RC3H1: variants seen among roughly 807,000 people sequenced by gnomAD.
RC3H1 encodes the protein roquin-1.
In RC3H1, 50 loss-of-function variants were observed where a neutral mutation model predicts 138.2. The observed-to-expected ratio is 0.36, with a 90% CI of 0.29 to 0.46. RC3H1 has a LOEUF of 0.46. RC3H1 is among the 20% of genes least tolerant of loss of function. The pLI is 1.00. For missense variants in RC3H1, 1,031 were observed against 1,388.1 expected, an observed-to-expected ratio of 0.74 and a Z score of 4.09; for synonymous variants, 462 against 489.1, an observed-to-expected ratio of 0.94 and a Z score of 0.73.
Position 173,963,978 on chromosome 1 carries a change from T to C in RC3H1, c.1826A>G (p.Gln609Arg), listed in dbSNP as rs551166189. 1.1e-4 allele frequency: 170 copies of C among 1,613,796 alleles called. 1 individual carries two copies. In the South Asian group the frequency reaches 1.8e-3, roughly 17 times the overall value. The change falls in exon 11 of 20, where the codon CAG becomes CGG. Residue 609 changes from glutamine (Q) to arginine (R), a missense_variant. Gln to Arg is a conservative substitution (Grantham distance 43, BLOSUM62 1). This residue lies in a region of RC3H1 where 716 missense variants were observed against 837.9 expected (regional missense o/e 0.85). Transcript: ENST00000367696. ...TATAAATTTAAAATCGTTACCCTGC[T>C]GATAAGGTGCTGGTTCAAATGGCGG... is the stretch of plus-strand genomic sequence containing the variant. ...AAPPFEPAPY[Q>R]QGMYYTPPPQ...
At chr1:173,981,955 T>C (rs1380272109) in intron 5 of RC3H1, among the ~76,000 whole-genome samples, 1 of 151,548 alleles carries the variant, frequency 6.6e-6, no homozygotes, top group Non-Finnish European at 1.5e-5. Flanking sequence ...ACATAGTGAG[T>C]AGCAATGTTT....
At chr1:173,996,915 G>GTTT (rs145400110) in intron 1 of RC3H1, among the ~76,000 whole-genome samples, 1 of 147,004 alleles carries the variant, frequency 6.8e-6, no homozygotes, top group East Asian at 2.0e-4. Flanking sequence ...AAGGAATTCT[G>GTTT]TTTTTTTTTT....
At chr1:173,983,008 G>T in intron 4 of RC3H1, 106 bp from the exon 5 acceptor site, 1 of 995,416 alleles carries the variant, frequency 1.0e-6, no homozygotes, top group Non-Finnish European at 1.5e-6. Flanking sequence ...TCAATTAACT[G>T]GCAATACAGT....
At chr1:173,953,777 G>A (rs988813596) in intron 13 of RC3H1, among the ~76,000 whole-genome samples, 13 of 151,976 alleles carry the variant, frequency 8.6e-5, no homozygotes, top group Non-Finnish European at 8.8e-5. Context: ...GGTGGCTCAC[G>A]CCTGCAATCC....
At chr1:173,950,611 A>T (rs1343981015) in intron 14 of RC3H1, among the ~76,000 whole-genome samples, 3 of 152,098 alleles carry the variant, frequency 2.0e-5, no homozygotes, top group African/African-American at 7.2e-5. Flanking sequence ...TGAAAATGAT[A>T]AATACTAAAC....
intron 4 of RC3H1, among the ~76,000 whole-genome samples, 171 bp downstream of exon 4, chr1:173,983,247 C>T (rs982173445): frequency 2.0e-5 from 3 of 152,120 alleles, no homozygotes; most frequent in Admixed American, 1.3e-4. Context: ...CTAAGTTCAC[C>T]TAGTAAGTCC....
intron 4 of RC3H1, 141 bp downstream of exon 4, chr1:173,983,277 C>T (rs1660895160): frequency 1.9e-6 from 2 of 1,056,160 alleles, no homozygotes. Flanking sequence ...CATGGAATTG[C>T]CCAAGCCATG....
intron 13 of RC3H1, among the ~76,000 whole-genome samples, chr1:173,952,792 T>C (rs186285485): frequency 2.0e-4 from 30 of 152,312 alleles, no homozygotes; most frequent in African/African-American, 6.3e-4. Flanking sequence ...TTCACTAAAA[T>C]TGCAACATTC....
Position 173,934,736 on chromosome 1 carries a change from G to C in RC3H1, c.*3985C>G, listed in dbSNP as rs981315291. The C allele has an allele frequency of 6.6e-6, 1 of 152,138 alleles. No homozygotes were observed. The highest frequency in any genetic ancestry group is 1.5e-5 in the Non-Finnish European group (1 of 68,030). 9.4% of individuals were successfully genotyped at this position (152,138 alleles called of 1,614,324 possible). On this transcript the variant is annotated 3_prime_UTR_variant, in exon 20 of 20. Coordinates refer to ENST00000367696, the MANE Select transcript of RC3H1 (RefSeq NM_172071.4). ...CTAAGCGAATTCATTTGAATGCTCT[G>C]TTTTGAGGCAGCAAACTGTCACTGT...
At chr1:173,965,906 T>C (rs1440678180) in intron 9 of RC3H1, among the ~76,000 whole-genome samples, 1 of 152,136 alleles carries the variant, frequency 6.6e-6, no homozygotes, top group African/African-American at 2.4e-5. Context: ...TCTGGGAGGC[T>C]GAAGCGGGCG....
At chr1:174,021,429 T>C (rs973145866) in intron 1 of RC3H1, among the ~76,000 whole-genome samples, 1 of 152,156 alleles carries the variant, frequency 6.6e-6, no homozygotes, top group Non-Finnish European at 1.5e-5. Flanking sequence ...GCGCATCCCT[T>C]ACCACTCCAT....
At position 173,935,191 on chromosome 1, in the gene RC3H1, T is replaced by A. The variant is rs932980654; in HGVS notation, c.*3530A>T. 6.6e-6 allele frequency: 1 copy of A among 152,172 alleles called. No homozygotes were observed. The highest frequency in any genetic ancestry group is 2.1e-4 in the South Asian group (1 of 4,832). The allele number at this position is 152,172 out of a possible 1,614,324, so 9.4% of individuals were successfully genotyped here. A position where few individuals can be genotyped will look rare whatever the true frequency, so the allele number is the denominator to read the frequency against. ...TGGTCACTTCAGCCTCTGTACGTTA[T>A]CTAAGACAGGACAGTTACTGGACTT... On this transcript the variant is annotated 3_prime_UTR_variant, in exon 20 of 20. Transcript: ENST00000367696.
intron 1 of RC3H1, among the ~76,000 whole-genome samples, chr1:174,001,585 C>G (rs2103068164): frequency 6.6e-6 from 1 of 152,186 alleles, no homozygotes. Flanking sequence ...TACAGATGTG[C>G]AACACCATGC....
At chr1:173,982,703 C>T in intron 5 of RC3H1, 24 bp downstream of exon 5, 3 of 1,532,660 alleles carry the variant, frequency 2.0e-6, no homozygotes, top group Non-Finnish European at 2.6e-6. Context: ...TCCTTTCAAG[C>T]TGAGCTTTAA....
At chr1:173,955,475 G>A (rs1050566689) in intron 13 of RC3H1, among the ~76,000 whole-genome samples, 22 of 151,048 alleles carry the variant, frequency 1.5e-4, no homozygotes, top group Admixed American at 7.9e-4. Flanking sequence ...CCACCACCAC[G>A]CCCGGCTAGT....
intron 2 of RC3H1, among the ~76,000 whole-genome samples, chr1:173,987,744 A>G (rs1213685986): frequency 1.3e-5 from 2 of 152,146 alleles, no homozygotes; most frequent in Non-Finnish European, 2.9e-5. Context: ...ATACATTGTA[A>G]TAACCCGAGA....
intron 18 of RC3H1, 89 bp downstream of exon 18, chr1:173,943,353 A>C: frequency 7.5e-7 from 1 of 1,332,416 alleles, no homozygotes; most frequent in Non-Finnish European, 1.0e-6. Flanking sequence ...GAGTGCCTTG[A>C]AGTGATGATT....
intron 13 of RC3H1, among the ~76,000 whole-genome samples, chr1:173,960,107 C>CAA (rs58330993): frequency 0.27 from 13,714 of 50,422 alleles, 2,530 homozygotes; most frequent in African/African-American, 0.52. Context: ...GACTCCGACT[C>CAA]AAAAAAAAAA....
At chr1:173,990,976 T>C (rs534889670) in intron 2 of RC3H1, among the ~76,000 whole-genome samples, 1 of 152,266 alleles carries the variant, frequency 6.6e-6, no homozygotes, top group East Asian at 1.9e-4. Flanking sequence ...ATGCCTGTAT[T>C]CCCAGTACTC....
Sources: allele counts gnomAD v4.1 joint callset (sites outside exome capture counted in the v4.1 genomes callset), GRCh38; gene constraint gnomAD v4.1.1; regional missense constraint gnomAD v4.1.1; transcripts MANE v1.5; gene names NCBI Gene and HGNC (gene_info 2026-07-23, HGNC 2026-07-21).